The following GPR89B variants were observed in gnomAD, a reference collection of about 807,000 sequenced individuals.
The protein encoded by GPR89B is golgi pH regulator B.
In GPR89B, 25 loss-of-function variants were observed where a neutral mutation model predicts 52.4. The ratio of observed to expected loss-of-function variants is 0.48; its 90% confidence interval spans 0.35 to 0.67. The LOEUF is 0.67. GPR89B is among the 30% of genes least tolerant of loss of function. The probability of loss-of-function intolerance (pLI) is 0.01; values close to 1 mark genes in which losing one functional copy is unlikely to be tolerated. For missense variants in GPR89B, 146 were observed against 450.2 expected, an observed-to-expected ratio of 0.32 and a Z score of 6.11; for synonymous variants, 52 against 151.2, an observed-to-expected ratio of 0.34 and a Z score of 4.81.
At chr1:147,983,555 C>T (rs1455849354) in intron 10 of GPR89B, among the ~76,000 whole-genome samples, 31 of 150,848 alleles carry the variant, frequency 2.1e-4, no homozygotes, top group South Asian at 6.3e-4. Flanking sequence ...ACATTTATGA[C>T]GCCAAAAAAC....
chr1:147,949,882 G>A (rs1553250642), intron 5 of GPR89B, among the ~76,000 whole-genome samples: 3 of 127,912 alleles, frequency 2.3e-5, no homozygotes, highest in African/African-American at 3.4e-5. Flanking sequence ...CCGGGCAGAG[G>A]CGCCCCTCAC....
At chr1:147,978,836 A>G (rs1419365694) in intron 10 of GPR89B, among the ~76,000 whole-genome samples, 4 of 151,324 alleles carry the variant, frequency 2.6e-5, no homozygotes, top group Admixed American at 2.6e-4. Context: ...TGGCAGGGGA[A>G]AAGGGCAGAC....
chr1:147,989,913 G>A (rs1251007257), intron 12 of GPR89B, among the ~76,000 whole-genome samples: 86 of 150,900 alleles, frequency 5.7e-4, no homozygotes, highest in Middle Eastern at 3.4e-3. Context: ...TATTGCACAC[G>A]CAATAAACAT....
At chr1:147,959,347 A>G (rs1656367512) in intron 7 of GPR89B, among the ~76,000 whole-genome samples, 1 of 152,172 alleles carries the variant, frequency 6.6e-6, no homozygotes, top group Non-Finnish European at 1.5e-5. Flanking sequence ...TTCTCAATAG[A>G]GGAAACTTCC....
rs2149094673 is a variant in GPR89B, at chr1:147,988,471, G to A, written c.1045G>A (p.Gly349Arg). Residue 349 changes from glycine (G) to arginine (R), a missense_variant, in exon 12 of 14, where the codon GGA becomes AGA. Gly to Arg is a moderately radical substitution (Grantham distance 125, BLOSUM62 -2). Coordinates refer to ENST00000314163, the MANE Select transcript of GPR89B (RefSeq NM_016334.5). Reference sequence around the variant, plus strand: ...CCAACACATTTCCTTCATTCTTGTTGGAATAATCATCGTCACATCCATCAG... The same window carrying A: ...CCAACACATTTCCTTCATTCTTGTTAGAATAATCATCGTCACATCCATCAG... Reference protein sequence around the residue: ...WSQHISFILVGIIIVTSIRGL... With the variant: ...WSQHISFILVRIIIVTSIRGL... 6.8e-7 allele frequency: 1 copy of A among 1,471,408 alleles called. No individual in the cohort carries two copies. Among genetic ancestry groups the A allele is most frequent in the East Asian group, 2.3e-5 (1 of 44,062 alleles). The allele number at this position is 1,471,408 out of a possible 1,614,324, so 91.1% of individuals were successfully genotyped here.
chr1:148,024,890 A>G, the GPR89B span, among the ~76,000 whole-genome samples: 1 of 151,900 alleles, frequency 6.6e-6, no homozygotes, highest in Non-Finnish European at 1.5e-5. Context: ...AGCACATGCT[A>G]TTTTCTCACC....
chr1:147,981,592 T>G (rs1297240690), intron 10 of GPR89B, among the ~76,000 whole-genome samples: 1 of 151,016 alleles, frequency 6.6e-6, no homozygotes, highest in Non-Finnish European at 1.5e-5. Context: ...TTGATGTACA[T>G]TAGGATTGTT....
Position 147,936,681 on chromosome 1 carries a change from T to C in GPR89B, c.97T>C (p.Tyr33His). The change falls in exon 2 of 14, where the codon TAT becomes CAT. Residue 33 changes from tyrosine (Y) to histidine (H), a missense_variant. Coordinates refer to ENST00000314163, the MANE Select transcript of GPR89B (RefSeq NM_016334.5). ...LFFMRQLFKD[Y>H]EIRQYVVQVI... ...CTTCATGCGCCAATTGTTTAAAGAC[T>C]ATGAGGTGAGAAGAAATCATTTTGT... is the stretch of plus-strand genomic sequence containing the variant. 6.2e-7 allele frequency: 1 copy of C among 1,608,272 alleles called. No individual in the cohort carries two copies. Among genetic ancestry groups the C allele is most frequent in the Non-Finnish European group, 8.5e-7 (1 of 1,175,830 alleles).
At position 147,928,477 on chromosome 1, in the gene GPR89B, C is replaced by T; in HGVS notation, c.-60C>T. The T allele has an allele frequency of 3.1e-6, 5 of 1,607,146 alleles. No homozygotes were observed. In the East Asian group the frequency reaches 8.9e-5, roughly 29 times the overall value. On this transcript the variant is annotated 5_prime_UTR_variant, in exon 1 of 14. Coordinates refer to ENST00000314163, the MANE Select transcript of GPR89B (RefSeq NM_016334.5). ...GACCGTGTGAGGGGGCCTGTGGCCC[C>T]AGCGTGCTGTGGCCTCCGGGAGTGG...
chr1:147,983,583 C>G (rs1365938910), intron 10 of GPR89B, among the ~76,000 whole-genome samples: 1 of 151,942 alleles, frequency 6.6e-6, no homozygotes. Flanking sequence ...AAAATGCTCA[C>G]CATCACTGGC....
chr1:147,980,650 T>A (rs1658169820), intron 10 of GPR89B, among the ~76,000 whole-genome samples: 1 of 148,808 alleles, frequency 6.7e-6, no homozygotes, highest in Non-Finnish European at 1.5e-5. Flanking sequence ...CCACAATCAA[T>A]TTTTGAACAT....
chr1:147,970,066 T>G, intron 10 of GPR89B, 107 bp downstream of exon 10: 1 of 829,784 alleles, frequency 1.2e-6, no homozygotes, highest in Non-Finnish European at 1.8e-6. Flanking sequence ...CCAAATGTGA[T>G]TGCATCAACA....
At chr1:147,959,200 G>T (rs1476087207) in intron 7 of GPR89B, among the ~76,000 whole-genome samples, 1 of 152,046 alleles carries the variant, frequency 6.6e-6, no homozygotes, top group African/African-American at 2.4e-5. Flanking sequence ...AGAGGCATAC[G>T]TCTTCCTGTT....
downstream of GPR89B, among the ~76,000 whole-genome samples, chr1:147,994,947 G>C (rs1659279953): frequency 6.6e-6 from 1 of 151,904 alleles, no homozygotes; most frequent in Non-Finnish European, 1.5e-5. Context: ...GTTTACTTTT[G>C]GACCTCAAGT....
At chr1:147,960,474 CA>C (rs1244734204) in intron 7 of GPR89B, among the ~76,000 whole-genome samples, 5 of 152,116 alleles carry the variant, frequency 3.3e-5, no homozygotes, top group African/African-American at 1.2e-4. Context: ...AATAGAAATC[CA>C]AAGACTGAAA....
the GPR89B span, chr1:148,011,171 C>T: frequency 2.6e-5 from 4 of 152,266 alleles, no homozygotes; most frequent in Non-Finnish European, 5.9e-5. Flanking sequence ...GCTTGAAGGG[C>T]TATTACATTT....
chr1:147,976,501 ATTTTCCTCCATCCCTTTATT>A (rs1657831642), intron 10 of GPR89B, among the ~76,000 whole-genome samples: 76 of 142,656 alleles, frequency 5.3e-4, no homozygotes, highest in African/African-American at 2.0e-3. Flanking sequence ...TGCTTGGTAA[ATTTTCCTCCATCCCTTTATT>A]TTGAGCCTAT....
At chr1:148,004,864 TAGTG>T in the GPR89B span, among the ~76,000 whole-genome samples, 541 of 82,978 alleles carry the variant, frequency 6.5e-3, 10 homozygotes, top group African/African-American at 0.023. Context: ...CTGGCCAACA[TAGTG>T]AGACCCTATC....
At chr1:147,995,547 C>T, downstream of GPR89B, 5 of 1,583,020 alleles carry the variant, frequency 3.2e-6, no homozygotes, top group Non-Finnish European at 4.3e-6. Context: ...AGGGACTGTA[C>T]CCATACTCTA....
Sources: gnomAD v4.1 joint callset for allele counts (sites outside exome capture counted in the v4.1 genomes callset) on GRCh38, gnomAD v4.1.1 for gene constraint, MANE v1.5 for transcripts, NCBI Gene and HGNC (gene_info 2026-07-23, HGNC 2026-07-21) for gene names.